Variants in DIS3L2 observed in about 807,000 individuals in gnomAD.
The protein encoded by DIS3L2 is DIS3-like exonuclease 2.
In DIS3L2, 34 loss-of-function variants were observed where a neutral mutation model predicts 97.5. The observed-to-expected ratio is 0.35, with a 90% CI of 0.27 to 0.46. The LOEUF is 0.46. DIS3L2 is among the 20% of genes least tolerant of loss of function. The pLI is 1.00. For synonymous variants in DIS3L2, 435 were observed against 445.2 expected (o/e 0.98, Z 0.29); for missense variants, 1,038 against 1,146.0 (o/e 0.91, Z 1.36).
At chr2:231,964,240 ACT>A (rs1168024187) in intron 1 of DIS3L2, among the ~76,000 whole-genome samples, 1 of 151,868 alleles carries the variant, frequency 6.6e-6, no homozygotes, top group Non-Finnish European at 1.5e-5. Flanking sequence ...TAGGTGTGAG[ACT>A]CATTTAATTG....
chr2:232,134,955 G>A (rs1294619673), intron 7 of DIS3L2, among the ~76,000 whole-genome samples: 1 of 152,156 alleles, frequency 6.6e-6, no homozygotes, highest in Non-Finnish European at 1.5e-5. Context: ...TGGAGAACAG[G>A]CAAGGGTTAA....
At chr2:232,009,349 G>A (rs547134616) in intron 1 of DIS3L2, among the ~76,000 whole-genome samples, 13 of 152,262 alleles carry the variant, frequency 8.5e-5, no homozygotes, top group African/African-American at 2.2e-4. Context: ...AGAGTTAGAG[G>A]TGGTTGCTCT....
intron 4 of DIS3L2, among the ~76,000 whole-genome samples, 195 bp downstream of exon 4, chr2:232,024,525 A>G (rs958267346): frequency 3.9e-5 from 6 of 152,216 alleles, no homozygotes; most frequent in Non-Finnish European, 8.8e-5. Context: ...TTAAAATCGC[A>G]TGCCAAATGA....
At chr2:232,296,610 G>T (rs1238985636) in intron 13 of DIS3L2, among the ~76,000 whole-genome samples, 1 of 152,138 alleles carries the variant, frequency 6.6e-6, no homozygotes, top group Admixed American at 6.5e-5. Context: ...TTGTAAATGG[G>T]AGTTTCCCTG....
At chr2:232,129,132 T>A (rs927531086) in intron 6 of DIS3L2, among the ~76,000 whole-genome samples, 7 of 152,220 alleles carry the variant, frequency 4.6e-5, no homozygotes, top group African/African-American at 1.7e-4. Flanking sequence ...GAGCCATCAG[T>A]GATCATCACA....
Position 232,263,343 on chromosome 2 carries a change from G to A in DIS3L2, c.1562G>A (p.Ser521Asn). ...KELPPISPEH[S>N]SEEVHQAVLN... ...CTGCCCCCCATTTCCCCAGAGCATA[G>A]CAGCGAGGAGGTACACCAGGCCGTC... The change falls in exon 13 of 21, where the codon AGC becomes AAC. Residue 521 changes from serine (S) to asparagine (N), a missense_variant. By Grantham distance (46) the Ser-to-Asn change is conservative. Coordinates refer to ENST00000325385, the MANE Select transcript of DIS3L2 (RefSeq NM_152383.5). 1.9e-6 allele frequency: 3 copies of A among 1,614,198 alleles called. No homozygotes were observed. The highest frequency in any genetic ancestry group is 2.5e-6 in the Non-Finnish European group (3 of 1,180,024).
In DIS3L2 at chr2:232,033,548, C is replaced by T. The variant is rs141403195; in HGVS notation, c.366+3468C>T. Among the ~76,000 whole-genome samples the T allele has an allele frequency of 5.4e-3, 826 of 152,174 alleles. 35 individuals carry two copies. The highest frequency in any genetic ancestry group is 0.05 in the Admixed American group (766 of 15,266). ...GAGAGAGGGCATCCTTGTCTTGTGCCGGTTTTCAAAGGAAATGCTTCCAGC... is the reference window on the plus strand; with the variant it reads ...GAGAGAGGGCATCCTTGTCTTGTGCTGGTTTTCAAAGGAAATGCTTCCAGC... On this transcript the variant is annotated intron_variant, in intron 5 of 20. Coordinates refer to ENST00000325385, the MANE Select transcript of DIS3L2 (RefSeq NM_152383.5).
intron 5 of DIS3L2, among the ~76,000 whole-genome samples, chr2:232,076,421 G>A (rs1046187766): frequency 1.3e-5 from 2 of 152,128 alleles, no homozygotes; most frequent in Non-Finnish European, 2.9e-5. Context: ...GTACTGCTGT[G>A]TGTTCTTGCT....
At chr2:232,274,260 C>T (rs577955796) in intron 13 of DIS3L2, among the ~76,000 whole-genome samples, 2 of 152,216 alleles carry the variant, frequency 1.3e-5, no homozygotes, top group South Asian at 2.1e-4. Flanking sequence ...AATTTGGCTC[C>T]TCTAGGACCC....
chr2:231,965,272 G>A (rs1313554189), intron 1 of DIS3L2, among the ~76,000 whole-genome samples: 1 of 152,176 alleles, frequency 6.6e-6, no homozygotes, highest in African/African-American at 2.4e-5. Context: ...TTTCTGAAGT[G>A]CTTCCTATGT....
chr2:232,248,467 G>GAT (rs1411360851), intron 11 of DIS3L2, among the ~76,000 whole-genome samples: 1 of 151,812 alleles, frequency 6.6e-6, no homozygotes, highest in Non-Finnish European at 1.5e-5. Flanking sequence ...AGGAGATACA[G>GAT]AGATATTCAT....
At chr2:232,205,237 TAA>T (rs1035069768) in intron 9 of DIS3L2, among the ~76,000 whole-genome samples, 1 of 141,404 alleles carries the variant, frequency 7.1e-6, no homozygotes, top group African/African-American at 2.6e-5. Flanking sequence ...TATATATATA[TAA>T]AATGCAGTGA....
chr2:232,266,570 G>T (rs191648043), intron 13 of DIS3L2, among the ~76,000 whole-genome samples: 42 of 152,288 alleles, frequency 2.8e-4, no homozygotes, highest in African/African-American at 9.6e-4. Context: ...CCCAGCTTTG[G>T]AAGGAGGAGC....
At chr2:231,988,110 T>C (rs900875370) in intron 1 of DIS3L2, among the ~76,000 whole-genome samples, 27 of 152,218 alleles carry the variant, frequency 1.8e-4, no homozygotes, top group Admixed American at 2.0e-4. Context: ...CCCAAAGTGC[T>C]GGGATTATAG....
At chr2:232,191,516 C>A (rs1574936483) in intron 9 of DIS3L2, among the ~76,000 whole-genome samples, 1 of 152,274 alleles carries the variant, frequency 6.6e-6, no homozygotes, top group East Asian at 1.9e-4. Context: ...TAAAAAATCA[C>A]AAGAACCATT....
chr2:232,086,881 C>T (rs1696671963), intron 5 of DIS3L2, among the ~76,000 whole-genome samples: 1 of 151,342 alleles, frequency 6.6e-6, no homozygotes, highest in Admixed American at 6.6e-5. Flanking sequence ...AGAGTTTCAC[C>T]GTGTTAGCCA....
At chr2:232,043,010 G>T (rs144523057) in intron 5 of DIS3L2, among the ~76,000 whole-genome samples, 1 of 152,318 alleles carries the variant, frequency 6.6e-6, no homozygotes, top group East Asian at 1.9e-4. Context: ...GCTCTTGAGT[G>T]TACCACATTT....
At chr2:232,295,168 GAATACTCCCTGGC>G (rs1029643837) in intron 13 of DIS3L2, among the ~76,000 whole-genome samples, 6 of 152,078 alleles carry the variant, frequency 3.9e-5, no homozygotes, top group East Asian at 1.9e-4. Context: ...TGTGGCCTCC[GAATACTCCCTGGC>G]AATACTCCCT....
At chr2:231,991,264 T>C (rs888900083) in intron 1 of DIS3L2, among the ~76,000 whole-genome samples, 1 of 152,152 alleles carries the variant, frequency 6.6e-6, no homozygotes, top group Non-Finnish European at 1.5e-5. Context: ...GCAACTATTA[T>C]TGTCTTTAAA....
Sources: gnomAD v4.1 joint callset for allele counts (sites outside exome capture counted in the v4.1 genomes callset) on GRCh38, gnomAD v4.1.1 for gene constraint, MANE v1.5 for transcripts, NCBI Gene and HGNC (gene_info 2026-07-23, HGNC 2026-07-21) for gene names.